Variants in DNAJB6 observed in about 807,000 individuals in gnomAD.
The protein encoded by DNAJB6 is dnaJ homolog subfamily B member 6.
DNAJB6 carries 16 observed loss-of-function variants against 42.7 expected under a neutral mutation model. The observed-to-expected ratio is 0.37, with a 90% CI of 0.25 to 0.57. The LOEUF is 0.57. Among genes scored for constraint, DNAJB6 ranks in the 20% least tolerant of loss-of-function variants. DNAJB6 has a pLI of 0.74. For missense variants in DNAJB6, 347 were observed against 416.8 expected (o/e 0.83, Z 1.46); for synonymous variants, 170 against 163.5 (o/e 1.04, Z -0.30).
intron 1 of DNAJB6, chr7:157,337,408 G>A (rs1041577948): frequency 6.6e-6 from 1 of 152,118 alleles, no homozygotes; most frequent in Non-Finnish European, 1.5e-5. Flanking sequence ...GTCCTTGCCG[G>A]AACGCGGCCC....
chr7:157,400,249 C>CTGAGCACGGGGGATGCCCGG (rs1584942567), intron 8 of DNAJB6, among the ~76,000 whole-genome samples: 55 of 139,732 alleles, frequency 3.9e-4, no homozygotes, highest in South Asian at 9.1e-4. Context: ...TATGTGCTCG[C>CTGAGCACGGGGGATGCCCGG]GTCTAGGGAG....
intron 1 of DNAJB6, among the ~76,000 whole-genome samples, chr7:157,354,439 G>T (rs1353535330): frequency 1.3e-5 from 2 of 151,990 alleles, no homozygotes; most frequent in Admixed American, 1.3e-4. Context: ...GAGCCGCTGT[G>T]CCCAGCTATT....
intron 5 of DNAJB6, among the ~76,000 whole-genome samples, chr7:157,368,317 C>T (rs1490781395): frequency 6.6e-6 from 1 of 152,144 alleles, no homozygotes; most frequent in African/African-American, 2.4e-5. Flanking sequence ...CGTTGTTTCC[C>T]ATTGAACAAC....
At chr7:157,382,522 T>A in intron 6 of DNAJB6, 145 bp downstream of exon 6, 1 of 799,010 alleles carries the variant, frequency 1.3e-6, no homozygotes, top group Non-Finnish European at 1.8e-6. Context: ...TTTTTTGGTA[T>A]ACAGGTCTGC....
intron 1 of DNAJB6, among the ~76,000 whole-genome samples, chr7:157,349,737 C>G (rs770611425): frequency 6.6e-6 from 1 of 152,164 alleles, no homozygotes; most frequent in Non-Finnish European, 1.5e-5. Context: ...CTCCGCCTCC[C>G]GGGTTCAAGC....
intron 1 of DNAJB6, chr7:157,337,820 C>T (rs1798128994): frequency 6.6e-6 from 1 of 151,946 alleles, no homozygotes; most frequent in Non-Finnish European, 1.5e-5. Flanking sequence ...AGGTCAGTGA[C>T]ACACGCAGTG....
intron 3 of DNAJB6, among the ~76,000 whole-genome samples, chr7:157,365,069 G>A (rs1254443274): frequency 3.3e-5 from 5 of 152,134 alleles, no homozygotes; most frequent in African/African-American, 1.2e-4. Flanking sequence ...CTCCCATCTC[G>A]GCTTCCTGAG....
intron 8 of DNAJB6, among the ~76,000 whole-genome samples, chr7:157,400,787 TGGAA>T (rs1395625713): frequency 2.0e-5 from 3 of 152,126 alleles, no homozygotes; most frequent in Non-Finnish European, 4.4e-5. Flanking sequence ...GAGTGGGTCA[TGGAA>T]GGATCTTTCT....
intron 8 of DNAJB6, among the ~76,000 whole-genome samples, chr7:157,399,584 C>T (rs569285159): frequency 1.2e-4 from 19 of 152,342 alleles, no homozygotes; most frequent in Middle Eastern, 3.4e-3. Context: ...GGGCCGTGCC[C>T]TCTAGGCCTG....
At chr7:157,369,699 AACGTTATTATTAAACGGGCCCCTTCTTC>A (rs2117009122) in intron 5 of DNAJB6, among the ~76,000 whole-genome samples, 2 of 148,338 alleles carry the variant, frequency 1.3e-5, no homozygotes, top group African/African-American at 5.1e-5. Context: ...GGCCTTTCAT[AACGTTATTATTAAACGGGCCCCTTCTTC>A]ACATTATTAT....
chr7:157,359,455 C>A (rs932910238), intron 2 of DNAJB6, among the ~76,000 whole-genome samples: 2 of 152,158 alleles, frequency 1.3e-5, no homozygotes, highest in African/African-American at 2.4e-5. Context: ...TCAAGCGATT[C>A]TCTTGCCTTG....
At chr7:157,360,564 C>G (rs1231565205) in intron 2 of DNAJB6, among the ~76,000 whole-genome samples, 5 of 152,196 alleles carry the variant, frequency 3.3e-5, no homozygotes, top group Non-Finnish European at 7.3e-5. Context: ...TGCTGAGTGT[C>G]TCTAGCATGA....
At chr7:157,349,199 C>T (rs1364539379) in intron 1 of DNAJB6, among the ~76,000 whole-genome samples, 3 of 152,248 alleles carry the variant, frequency 2.0e-5, no homozygotes, top group East Asian at 3.9e-4. Context: ...TATTTGTCTA[C>T]ATGCCTGTCT....
At chr7:157,403,643 A>G (rs1795623647) in intron 8 of DNAJB6, among the ~76,000 whole-genome samples, 1 of 151,538 alleles carries the variant, frequency 6.6e-6, no homozygotes, top group Non-Finnish European at 1.5e-5. Flanking sequence ...TGCTGTAGCC[A>G]CCTTCTTTAG....
intron 8 of DNAJB6, among the ~76,000 whole-genome samples, chr7:157,406,963 C>CT (rs1795792645): frequency 6.6e-6 from 1 of 152,222 alleles, no homozygotes; most frequent in African/African-American, 2.4e-5. Context: ...CTGGTCGAGG[C>CT]TGGACCCGCA....
At chr7:157,385,484 C>A in intron 7 of DNAJB6, 57 bp from the exon 8 acceptor site, 1 of 1,560,852 alleles carries the variant, frequency 6.4e-7, no homozygotes, top group South Asian at 1.2e-5. Context: ...ACTTAGTTAC[C>A]CTCACACATG....
intron 5 of DNAJB6, chr7:157,372,141 TC>T (rs768622953): frequency 6.5e-6 from 1 of 152,672 alleles, no homozygotes; most frequent in South Asian, 2.1e-4. Context: ...CATTTTACTC[TC>T]CCAGGGTTTG....
chr7:157,344,971 C>G (rs1336929860), intron 1 of DNAJB6, among the ~76,000 whole-genome samples: 1 of 152,012 alleles, frequency 6.6e-6, no homozygotes, highest in Non-Finnish European at 1.5e-5. Flanking sequence ...TCATTTTTAA[C>G]TTTAAAGTTT....
intron 1 of DNAJB6, among the ~76,000 whole-genome samples, chr7:157,349,152 G>A (rs577042219): frequency 1.3e-5 from 2 of 152,132 alleles, no homozygotes; most frequent in African/African-American, 4.8e-5. Context: ...AGTAGTGCTG[G>A]GATTACAGGT....
Sources: gnomAD v4.1 joint callset for allele counts (sites outside exome capture counted in the v4.1 genomes callset) on GRCh38, gnomAD v4.1.1 for gene constraint, MANE v1.5 for transcripts, NCBI Gene and HGNC (gene_info 2026-07-23, HGNC 2026-07-21) for gene names.